Variants in ZW10 observed in about 807,000 individuals in gnomAD.
The protein encoded by ZW10 is zw10 kinetochore protein.
ZW10 carries 53 observed loss-of-function variants against 87.8 expected under a neutral mutation model. The ratio of observed to expected loss-of-function variants is 0.60; its 90% CI spans 0.48 to 0.76. The LOEUF (loss-of-function observed/expected upper bound fraction) is 0.76. ZW10 is among the 30% of genes least tolerant of loss of function. The pLI is 0.00. For missense variants in ZW10, 837 were observed against 923.0 expected, an observed-to-expected ratio of 0.91 and a Z score of 1.21; for synonymous variants, 312 against 329.2, an observed-to-expected ratio of 0.95 and a Z score of 0.57.
chr11:113,738,378 C>CAA lies in ZW10; in HGVS notation c.1768_1769dup (p.Leu590PhefsTer45). On this transcript the variant is annotated frameshift_variant, in exon 13 of 16. Transcript: ENST00000200135. LOFTEE classifies it high-confidence loss of function. ...CACCTTTCTGTGCCCGCATTTGGGC[C>CAA]AAAAAGCATTCTGTCCCTATGATGG... 6.2e-7 allele frequency: 1 copy of CAA among 1,609,644 alleles called. No homozygotes were observed. The highest frequency in any genetic ancestry group is 8.5e-7 in the Non-Finnish European group (1 of 1,178,684).
Position 113,760,279 on chromosome 11 carries a change from T to C in ZW10, c.510A>G (p.Lys170=). Residue 170 remains lysine (K), a synonymous_variant, in exon 5 of 16, where the codon AAA becomes AAG. Coordinates refer to ENST00000200135, the MANE Select transcript of ZW10 (RefSeq NM_004724.4). The stretch of plus-strand genomic sequence containing the variant: ...CTCCAAGGTGATAAAGTATGTTCTG[T>C]TTCTGTATTGTGAGCTCCATGCTGA... ...KSLSMELTIQ[K]QNILYHLGEE... 4 of 1,614,138 alleles carry C rather than the reference T, an allele frequency of 2.5e-6. No individual in the cohort carries two copies. In the South Asian group the frequency reaches 3.3e-5, roughly 13 times the overall value.
At chr11:113,758,490 G>A in intron 6 of ZW10, 64 bp downstream of exon 6, 2 of 1,494,598 alleles carry the variant, frequency 1.3e-6, no homozygotes, top group Non-Finnish European at 1.8e-6. Context: ...CATCTTTTCT[G>A]TCTTCCCTTT....
rs1402972876 is a variant in ZW10 at position 113,738,206 on chromosome 11, A to C, written c.1884+58T>G. On this transcript the variant is annotated intron_variant, in intron 13 of 15. Coordinates refer to ENST00000200135, the MANE Select transcript of ZW10 (RefSeq NM_004724.4). ...TGTTTTCTGCTTTAAAAAAGCAAAC[A>C]AAAAAAAAGGCATCTAAGGATAGAA... 9.3e-6 allele frequency: 13 copies of C among 1,392,524 alleles called. No individual in the cohort carries two copies. The South Asian group carries it at 1.7e-4, about 19-fold the overall frequency. 86.3% of individuals were successfully genotyped at this position (1,392,524 alleles called of 1,614,324 possible).
intron 10 of ZW10, 63 bp from the exon 11 acceptor site, chr11:113,741,828 TTAAAC>T (rs773258159): frequency 3.2e-5 from 37 of 1,142,444 alleles, no homozygotes; most frequent in Middle Eastern, 2.0e-4. Flanking sequence ...AGAAAAAAAT[TTAAAC>T]TAAGTGCATC....
chr11:113,754,460 G>A (rs1953762829), intron 7 of ZW10, among the ~76,000 whole-genome samples: 2 of 152,118 alleles, frequency 1.3e-5, no homozygotes, highest in African/African-American at 4.8e-5. Flanking sequence ...ACTCCAGCCT[G>A]GGCAACAGAG....
Position 113,738,249 on chromosome 11 carries a change from G to A in ZW10, c.1884+15C>T, listed in dbSNP as rs752841384. On this transcript the variant is annotated intron_variant, in intron 13 of 15. Transcript: ENST00000200135. ...GGATAGAATACAAATTTCAGTGCTA[G>A]CAAGAGCCTCCTACCTGCCGGACTG... is the stretch of plus-strand genomic sequence containing the variant. 3.8e-6 allele frequency: 6 copies of A among 1,585,810 alleles called. No individual in the cohort carries two copies. In the African/African-American group the frequency reaches 6.9e-5, roughly 18 times the overall value.
chr11:113,758,046 C>A (rs2134887524), intron 6 of ZW10, among the ~76,000 whole-genome samples, 193 bp from the exon 7 acceptor site: 1 of 152,126 alleles, frequency 6.6e-6, no homozygotes, highest in African/African-American at 2.4e-5. Flanking sequence ...GTGGCAGGCA[C>A]CTGTAAATCC....
Position 113,757,764 on chromosome 11 carries a change from T to C in ZW10, c.823A>G (p.Ile275Val). 4.3e-6 allele frequency: 7 copies of C among 1,613,828 alleles called. No homozygotes were observed. Among genetic ancestry groups the C allele is most frequent in the African/African-American group, 1.3e-5 (1 of 75,016 alleles). Residue 275 changes from isoleucine (I) to valine (V), a missense_variant, in exon 7 of 16, where the codon ATT becomes GTT. Ile to Val is a conservative substitution (Grantham distance 29). Transcript: ENST00000200135. Reference protein sequence around the residue: ...VIESQPNIVIIRFESIMTNLE... With the variant: ...VIESQPNIVIVRFESIMTNLE... Reference sequence around the variant, plus strand: ...TTAGTCATTATAGATTCAAAACGAATAATAACTATGTTAGGCTGGCTTTCT... The same window carrying C: ...TTAGTCATTATAGATTCAAAACGAACAATAACTATGTTAGGCTGGCTTTCT...
chr11:113,739,178 T>C, intron 12 of ZW10, 35 bp downstream of exon 12: 1 of 1,606,856 alleles, frequency 6.2e-7, no homozygotes, highest in Non-Finnish European at 8.5e-7. Flanking sequence ...AGCTGCATAA[T>C]CCATATGCTT....
At chr11:113,750,365 G>A (rs12292532) in intron 7 of ZW10, among the ~76,000 whole-genome samples, 22,641 of 151,298 alleles carry the variant, frequency 0.15, 1,804 homozygotes, top group South Asian at 0.2. Flanking sequence ...GAGCAATGGC[G>A]CGATCTTGGC....
intron 11 of ZW10, among the ~76,000 whole-genome samples, chr11:113,739,888 T>A (rs543380121): frequency 6.6e-6 from 1 of 152,290 alleles, no homozygotes; most frequent in East Asian, 1.9e-4. Flanking sequence ...AATCACAAGC[T>A]CTAAGAGTGA....
Position 113,737,686 on chromosome 11 carries a change from C to T in ZW10, c.1902G>A (p.Lys634=). 1 of 1,612,868 alleles carries T rather than the reference C, an allele frequency of 6.2e-7. No homozygotes were observed. Among genetic ancestry groups the T allele is most frequent in the Non-Finnish European group, 8.5e-7 (1 of 1,179,216 alleles). Residue 634 remains lysine, a synonymous_variant, in exon 14 of 16, where the codon AAG becomes AAA. Transcript: ENST00000200135. The part of the protein sequence containing the change: ...KAVRQVLHQL[K]RLGIVWQDVL... ...CATCCTGCCACACAATTCCAAGTCT[C>T]TTTAGTTGGTGCAGTACCTGTAGAA...
In ZW10 at chr11:113,733,354, C is replaced by T. The variant is rs1304725293; in HGVS notation, c.*340G>A. 1.0e-5 allele frequency: 2 copies of T among 191,132 alleles called. No individual in the cohort carries two copies. The highest frequency in any genetic ancestry group is 1.1e-5 in the Non-Finnish European group (1 of 93,400). The allele number at this position is 191,132 out of a possible 1,614,324, so 11.8% of individuals were successfully genotyped here. A position where few individuals can be genotyped will look rare whatever the true frequency, so the allele number is the denominator to read the frequency against. ...TGACTCCTGGAATCTCCCAATTCCT[C>T]GTTCCAAAGCTAGGGCCTGCATTTA... On this transcript the variant is annotated 3_prime_UTR_variant, in exon 16 of 16. Coordinates refer to ENST00000200135, the MANE Select transcript of ZW10 (RefSeq NM_004724.4).
rs750012307 is a variant in ZW10, at chr11:113,733,691, G to A, written c.*3C>T. On this transcript the variant is annotated 3_prime_UTR_variant, in exon 16 of 16. Transcript: ENST00000200135. ...AAGACATAGCTTTCTTAAGAAGATG[G>A]AGCTATTTAATTTTAGCAAGGGCAG... The A allele has an allele frequency of 6.2e-7, 1 of 1,613,920 alleles. No individual in the cohort carries two copies. The highest frequency in any genetic ancestry group is 8.5e-7 in the Non-Finnish European group (1 of 1,179,980).
chr11:113,740,610 GA>G (rs1236888640), intron 11 of ZW10, among the ~76,000 whole-genome samples: 1 of 152,114 alleles, frequency 6.6e-6, no homozygotes, highest in African/African-American at 2.4e-5. Context: ...TGAATGGAAT[GA>G]AATTGAAATG....
intron 7 of ZW10, among the ~76,000 whole-genome samples, chr11:113,755,850 G>C (rs1307183429): frequency 6.6e-6 from 1 of 152,144 alleles, no homozygotes; most frequent in Non-Finnish European, 1.5e-5. Flanking sequence ...AAAAGATTAT[G>C]ACTCACTGAA....
chr11:113,770,970 ATTTTTTTTTT>A (rs71063523), intron 1 of ZW10, among the ~76,000 whole-genome samples: 11,385 of 116,296 alleles, frequency 0.098, 562 homozygotes, highest in African/African-American at 0.16. Context: ...TGAGGATGCT[ATTTTTTTTTT>A]TTTTTTTTTT....
chr11:113,758,840 T>C, intron 5 of ZW10, 134 bp from the exon 6 acceptor site: 1 of 824,750 alleles, frequency 1.2e-6, no homozygotes, highest in Non-Finnish European at 1.9e-6. Context: ...CAAATATGAA[T>C]TATGACATAC....
At chr11:113,750,074 T>C (rs1380670047) in intron 7 of ZW10, among the ~76,000 whole-genome samples, 1 of 152,230 alleles carries the variant, frequency 6.6e-6, no homozygotes, top group African/African-American at 2.4e-5. Context: ...AATTATGATA[T>C]TATTCTTTTT....
Sources: gnomAD v4.1 joint callset for allele counts (sites outside exome capture counted in the v4.1 genomes callset) on GRCh38, gnomAD v4.1.1 for gene constraint, MANE v1.5 for transcripts, NCBI Gene and HGNC (gene_info 2026-07-23, HGNC 2026-07-21) for gene names.